The following NLN variants were observed in gnomAD, a reference collection of about 807,000 sequenced individuals.
The protein encoded by NLN is neurolysin, mitochondrial.
Under a neutral mutation model 79.9 loss-of-function variants are expected in NLN, and 64 were observed. That is an observed-to-expected ratio of 0.80 (90% CI 0.65 to 0.99). NLN has a LOEUF of 0.99. NLN is among the 50% of genes least tolerant of loss of function. The pLI, the probability that NLN is intolerant of heterozygous loss-of-function variation, is 0.00. For synonymous variants in NLN, 267 were observed against 296.6 expected, an observed-to-expected ratio of 0.90 and a Z score of 1.02; for missense variants, 835 against 858.7, an observed-to-expected ratio of 0.97 and a Z score of 0.34.
chr5:65,762,531 T>C (rs747450479), intron 2 of NLN, among the ~76,000 whole-genome samples: 21 of 151,882 alleles, frequency 1.4e-4, no homozygotes, highest in Non-Finnish European at 2.4e-4. Context: ...CAAAAAAATA[T>C]AAAAATTAGC....
At chr5:65,765,502 G>A (rs1759432897) in intron 3 of NLN, among the ~76,000 whole-genome samples, 1 of 151,960 alleles carries the variant, frequency 6.6e-6, no homozygotes. Context: ...TGGGCAACAA[G>A]AGCAAAACTT....
At chr5:65,775,887 T>C (rs1759669346) in intron 3 of NLN, among the ~76,000 whole-genome samples, 1 of 152,248 alleles carries the variant, frequency 6.6e-6, no homozygotes, top group Non-Finnish European at 1.5e-5. Flanking sequence ...GGAGCCTAAC[T>C]ATTTTCTGCC....
intron 1 of NLN, among the ~76,000 whole-genome samples, chr5:65,740,073 C>G (rs1758837196): frequency 6.6e-6 from 1 of 152,166 alleles, no homozygotes; most frequent in Non-Finnish European, 1.5e-5. Context: ...ATTGCCCACA[C>G]TAGTGTTATG....
chr5:65,808,708 T>A (rs1760476299), intron 9 of NLN, among the ~76,000 whole-genome samples: 1 of 152,190 alleles, frequency 6.6e-6, no homozygotes. Context: ...TCAGAATAGG[T>A]CGTTTGTTTT....
chr5:65,783,048 G>A (rs1047254610), intron 6 of NLN, among the ~76,000 whole-genome samples: 1 of 152,124 alleles, frequency 6.6e-6, no homozygotes, highest in Non-Finnish European at 1.5e-5. Flanking sequence ...TAGGGTCCAG[G>A]CTAAGGGACT....
At chr5:65,742,274 C>G (rs1007182041) in intron 1 of NLN, among the ~76,000 whole-genome samples, 9 of 151,668 alleles carry the variant, frequency 5.9e-5, no homozygotes, top group African/African-American at 2.2e-4. Context: ...GTTCTTAAGT[C>G]TTACTGCTAG....
intron 1 of NLN, among the ~76,000 whole-genome samples, chr5:65,751,915 A>G (rs1054711989): frequency 1.4e-4 from 21 of 152,084 alleles, no homozygotes; most frequent in Admixed American, 1.4e-3. Context: ...CAATTCCCGT[A>G]TGGTATTCTG....
At chr5:65,763,239 C>A in intron 3 of NLN, 131 bp downstream of exon 3, 1 of 718,712 alleles carries the variant, frequency 1.4e-6, no homozygotes, top group Non-Finnish European at 2.3e-6. Context: ...CCATAATGGG[C>A]ATTATATAGT....
chr5:65,739,268 T>C (rs186728929), intron 1 of NLN, among the ~76,000 whole-genome samples: 28 of 152,012 alleles, frequency 1.8e-4, no homozygotes, highest in Admixed American at 1.8e-3. Context: ...AGTGAGATCA[T>C]GCAGTATGTG....
intron 3 of NLN, among the ~76,000 whole-genome samples, chr5:65,765,381 G>A (rs2150749426): frequency 6.6e-6 from 1 of 152,264 alleles, no homozygotes; most frequent in East Asian, 1.9e-4. Context: ...AGCCAGGTGT[G>A]GTGGCAGGCG....
chr5:65,815,584 C>CT (rs1760652172), intron 12 of NLN, among the ~76,000 whole-genome samples: 1 of 152,186 alleles, frequency 6.6e-6, no homozygotes, highest in African/African-American at 2.4e-5. Flanking sequence ...TTCAAATGCT[C>CT]TGAGTATCAT....
intron 6 of NLN, among the ~76,000 whole-genome samples, chr5:65,782,589 CA>C (rs1187071323): frequency 2.6e-5 from 4 of 152,354 alleles, no homozygotes; most frequent in African/African-American, 9.6e-5. Context: ...GCAGCATTCT[CA>C]AATTCATGTC....
chr5:65,741,641 G>A (rs1384033022), intron 1 of NLN, among the ~76,000 whole-genome samples: 1 of 152,136 alleles, frequency 6.6e-6, no homozygotes, highest in Non-Finnish European at 1.5e-5. Flanking sequence ...CACCAATTAA[G>A]TGTGCCAAAA....
At chr5:65,747,736 C>T (rs986294873) in intron 1 of NLN, among the ~76,000 whole-genome samples, 6 of 152,134 alleles carry the variant, frequency 3.9e-5, no homozygotes, top group African/African-American at 1.4e-4. Flanking sequence ...GGAAAATGGA[C>T]CCTAGGAAGG....
chr5:65,812,008 C>T (rs1202647628), intron 11 of NLN, among the ~76,000 whole-genome samples: 1 of 152,152 alleles, frequency 6.6e-6, no homozygotes, highest in African/African-American at 2.4e-5. Context: ...GTGGACAAAG[C>T]CGCTGAAACT....
chr5:65,765,006 G>T (rs2150749272), intron 3 of NLN, among the ~76,000 whole-genome samples: 1 of 152,194 alleles, frequency 6.6e-6, no homozygotes, highest in East Asian at 1.9e-4. Flanking sequence ...TACCTAAAGG[G>T]CAAAATCAGA....
At chr5:65,780,507 T>C (rs1561198704) in intron 5 of NLN, among the ~76,000 whole-genome samples, 2 of 151,900 alleles carry the variant, frequency 1.3e-5, no homozygotes, top group African/African-American at 4.8e-5. Flanking sequence ...CTAGAGACAG[T>C]CCAGAGGGGA....
At chr5:65,786,038 C>T (rs928687837) in intron 7 of NLN, 128 bp downstream of exon 7, 5 of 787,336 alleles carry the variant, frequency 6.4e-6, no homozygotes, top group Non-Finnish European at 9.9e-6. Flanking sequence ...ATATTGATCA[C>T]CTATTAAGTG....
intron 1 of NLN, among the ~76,000 whole-genome samples, chr5:65,725,687 G>A (rs1171263089): frequency 3.3e-5 from 5 of 152,146 alleles, no homozygotes; most frequent in African/African-American, 1.2e-4. Context: ...TTTTATCATT[G>A]GTAACACAAA....
Sources: gnomAD v4.1 joint callset for allele counts (sites outside exome capture counted in the v4.1 genomes callset) on GRCh38, gnomAD v4.1.1 for gene constraint, MANE v1.5 for transcripts, NCBI Gene and HGNC (gene_info 2026-07-23, HGNC 2026-07-21) for gene names.